VSTM4: variants seen among roughly 807,000 people sequenced by gnomAD.
The protein encoded by VSTM4 is V-set and transmembrane domain containing 4.
Under a neutral mutation model 36.4 loss-of-function variants are expected in VSTM4, and 20 were observed. The observed-to-expected ratio is 0.55, with a 90% confidence interval of 0.39 to 0.80. VSTM4 has a LOEUF of 0.80. Among genes scored for constraint, VSTM4 ranks in the 30% least tolerant of loss-of-function variants. VSTM4 has a pLI of 0.00. For synonymous variants in VSTM4, 182 were observed against 173.9 expected (o/e 1.05, Z -0.37); for missense variants, 392 against 404.5 (o/e 0.97, Z 0.26).
chr10:49,079,147 T>G (rs1844234310), intron 3 of VSTM4, among the ~76,000 whole-genome samples: 1 of 152,132 alleles, frequency 6.6e-6, no homozygotes, highest in African/African-American at 2.4e-5. Flanking sequence ...TGGATATTAA[T>G]CTACAATAAT....
intron 1 of VSTM4, among the ~76,000 whole-genome samples, chr10:49,108,800 C>T (rs1356363014): frequency 6.6e-6 from 1 of 152,144 alleles, no homozygotes; most frequent in Non-Finnish European, 1.5e-5. Flanking sequence ...CTGCCCACTC[C>T]CAGCCACTGT....
chr10:49,028,310 C>T (rs1468021169), intron 7 of VSTM4, among the ~76,000 whole-genome samples: 1 of 152,162 alleles, frequency 6.6e-6, no homozygotes, highest in East Asian at 1.9e-4. Context: ...CTGGGCATCA[C>T]AAAGTGAGTC....
chr10:49,092,637 G>C (rs930914081), intron 2 of VSTM4, among the ~76,000 whole-genome samples: 1 of 152,098 alleles, frequency 6.6e-6, no homozygotes, highest in African/African-American at 2.4e-5. Context: ...CCCTGGCTAG[G>C]GCTCCACCTC....
intron 5 of VSTM4, among the ~76,000 whole-genome samples, chr10:49,049,088 G>A (rs760779604): frequency 2.6e-5 from 4 of 152,320 alleles, no homozygotes; most frequent in Middle Eastern, 3.4e-3. Flanking sequence ...AGGGTTCTGG[G>A]GAGCTGCACC....
intron 7 of VSTM4, among the ~76,000 whole-genome samples, chr10:49,041,154 G>A (rs2131952388): frequency 6.6e-6 from 1 of 152,198 alleles, no homozygotes; most frequent in Middle Eastern, 3.4e-3. Context: ...TGGCCTCCCG[G>A]GAAAATAAAT....
chr10:49,056,207 G>A (rs536983161), intron 5 of VSTM4, among the ~76,000 whole-genome samples: 1 of 152,246 alleles, frequency 6.6e-6, no homozygotes, highest in East Asian at 1.9e-4. Context: ...TCCTGCAGCC[G>A]CGAGGGAAGC....
rs149092724 is a variant in VSTM4, at chr10:49,041,837, C to T, written c.837+5146G>A. 6.6e-4 allele frequency among the ~76,000 whole-genome samples: 100 copies of T among 152,260 alleles called. 1 individual carries two copies. Among genetic ancestry groups the T allele is most frequent in the African/African-American group, 2.3e-3 (95 of 41,540 alleles). On this transcript the variant is annotated intron_variant, in intron 7 of 7. Coordinates refer to ENST00000332853, the MANE Select transcript of VSTM4 (RefSeq NM_001031746.5). Reference sequence around the variant, plus strand: ...AAAATCTTATTGTGAGAATTAAATACGATGACATGCCAAAAGCACTTTTTT... The same window carrying T: ...AAAATCTTATTGTGAGAATTAAATATGATGACATGCCAAAAGCACTTTTTT...
At chr10:49,041,088 C>T (rs1843514422) in intron 7 of VSTM4, among the ~76,000 whole-genome samples, 2 of 152,202 alleles carry the variant, frequency 1.3e-5, no homozygotes, top group South Asian at 2.1e-4. Context: ...GAGCTACCAT[C>T]AAGACCTATT....
chr10:49,073,969 A>G lies in VSTM4; in HGVS notation c.634+3250T>C, dbSNP rs191633901. Among the ~76,000 whole-genome samples, 42 of 152,270 alleles carry G rather than the reference A, an allele frequency of 2.8e-4. No individual in the cohort carries two copies. The Middle Eastern group carries it at 0.014, about 49-fold the overall frequency. On this transcript the variant is annotated intron_variant, in intron 4 of 7. Transcript: ENST00000332853. The stretch of plus-strand genomic sequence containing the variant: ...AGTGTTTTCTTTCATTAAAAACCCT[A>G]CCAACAGTTGGGATGTTAGGAATCC...
At chr10:49,054,942 C>T (rs1018943964) in intron 5 of VSTM4, among the ~76,000 whole-genome samples, 18 of 151,612 alleles carry the variant, frequency 1.2e-4, no homozygotes, top group Middle Eastern at 3.4e-3. Context: ...TGGCCCAGGG[C>T]GATCTTTGCA....
intron 5 of VSTM4, among the ~76,000 whole-genome samples, chr10:49,050,898 A>AT: frequency 6.6e-6 from 1 of 152,238 alleles, no homozygotes. Context: ...AACAGACTTT[A>AT]TTTTTTAGAG....
In VSTM4 at chr10:49,070,143, C is replaced by G. The variant is rs879880644; in HGVS notation, c.635-5407G>C. ...TGGCGGGCGCCTGTAGTCCCAGCTA[C>G]TTGGGAGGCTGAGGCAGGAGAATGG... On this transcript the variant is annotated intron_variant, in intron 4 of 7. Transcript: ENST00000332853. Among the ~76,000 whole-genome samples the G allele has an allele frequency of 5.7e-5, 6 of 106,110 alleles. 1 individual carries two copies. The highest frequency in any genetic ancestry group is 1.1e-4 in the Non-Finnish European group (6 of 55,624). 69.6% of individuals were successfully genotyped at this position (106,110 alleles called of 152,430 possible). A position where few individuals can be genotyped will look rare whatever the true frequency, so the allele number is the denominator to read the frequency against.
intron 2 of VSTM4, among the ~76,000 whole-genome samples, chr10:49,095,381 T>C (rs1271898610): frequency 5.3e-5 from 8 of 152,160 alleles, no homozygotes; most frequent in Non-Finnish European, 1.0e-4. Context: ...TCTGTGTACA[T>C]GCACCACATA....
rs1166661909 is a variant in VSTM4, at chr10:49,015,383, A to G, written c.*4267T>C. The G allele has an allele frequency of 6.6e-6, 1 of 152,170 alleles. No homozygotes were observed. 9.4% of individuals were successfully genotyped at this position (152,170 alleles called of 1,614,324 possible). On this transcript the variant is annotated 3_prime_UTR_variant, in exon 8 of 8. Coordinates refer to ENST00000332853, the MANE Select transcript of VSTM4 (RefSeq NM_001031746.5). ...TGATCCGCCCGCCTCAGCCTCCCAA[A>G]GTGCTGGGATTACAGGCGTGAGCCA...
chr10:49,073,352 G>T (rs779233159), intron 4 of VSTM4, among the ~76,000 whole-genome samples: 1 of 152,222 alleles, frequency 6.6e-6, no homozygotes, highest in African/African-American at 2.4e-5. Flanking sequence ...ACAGGGCTTA[G>T]ATTCAGAGGA....
intron 5 of VSTM4, among the ~76,000 whole-genome samples, chr10:49,063,125 G>A (rs1236361361): frequency 4.0e-5 from 6 of 151,748 alleles, no homozygotes; most frequent in African/African-American, 1.5e-4. Context: ...GATCACCTGA[G>A]GTCACGAGTT....
At chr10:49,061,205 T>C (rs146812163) in intron 5 of VSTM4, among the ~76,000 whole-genome samples, 217 of 152,298 alleles carry the variant, frequency 1.4e-3, no homozygotes, top group African/African-American at 4.7e-3. Flanking sequence ...AGTCGTTTTG[T>C]TGTTAATTTC....
intron 7 of VSTM4, among the ~76,000 whole-genome samples, chr10:49,031,900 T>C (rs1421095148): frequency 2.0e-5 from 3 of 152,072 alleles, no homozygotes; most frequent in Admixed American, 6.5e-5. Context: ...TATGGCACTG[T>C]TCATTCAGGG....
chr10:49,088,026 T>C (rs769564945), intron 2 of VSTM4, among the ~76,000 whole-genome samples: 7 of 148,478 alleles, frequency 4.7e-5, no homozygotes, highest in Non-Finnish European at 8.9e-5. Flanking sequence ...TATATACATA[T>C]ATATGTAATT....
Sources: allele counts gnomAD v4.1 joint callset (sites outside exome capture counted in the v4.1 genomes callset), GRCh38; gene constraint gnomAD v4.1.1; transcripts MANE v1.5; gene names NCBI Gene and HGNC (gene_info 2026-07-23, HGNC 2026-07-21).